The following HOXC4 variants were observed in gnomAD, a reference collection of about 807,000 sequenced individuals.
HOXC4 encodes the protein homeobox protein Hox-C4.
A neutral mutation model predicts 25.5 loss-of-function variants in HOXC4; 15 were observed. The ratio of observed to expected loss-of-function variants is 0.59; its 90% CI spans 0.39 to 0.91. The LOEUF (loss-of-function observed/expected upper bound fraction) is 0.91. Among genes scored for constraint, HOXC4 ranks in the 40% least tolerant of loss-of-function variants. The pLI, the probability that HOXC4 is intolerant of heterozygous loss-of-function variation, is 0.00. For synonymous variants in HOXC4, 165 were observed against 148.0 expected (o/e 1.11, Z -0.83); for missense variants, 342 against 352.4 (o/e 0.97, Z 0.24).
At chr12:54,017,264 A>C (rs1940195829) in exon 1 of HOXC4, 1 of 152,142 alleles carries the variant, frequency 6.6e-6, no homozygotes, top group Non-Finnish European at 1.5e-5. Flanking sequence ...GATGATTATA[A>C]TTATTTTTAT....
intron 1 of HOXC4, among the ~76,000 whole-genome samples, chr12:54,025,530 G>GC (rs1940655745): frequency 2.4e-5 from 1 of 42,046 alleles, no homozygotes; most frequent in Admixed American, 1.7e-4. Context: ...AGGTAATTGG[G>GC]GGGGGGGGAG....
At chr12:54,044,131 CT>C (rs1445106944) in intron 1 of HOXC4, among the ~76,000 whole-genome samples, 1 of 152,006 alleles carries the variant, frequency 6.6e-6, no homozygotes, top group Non-Finnish European at 1.5e-5. Flanking sequence ...GATCTGGTGA[CT>C]TCTCAGGAAG....
At chr12:54,051,888 C>G (rs1206964074), upstream of HOXC4, among the ~76,000 whole-genome samples, 1 of 152,224 alleles carries the variant, frequency 6.6e-6, no homozygotes, top group East Asian at 1.9e-4. Flanking sequence ...AAGTGGGGAC[C>G]CTCTCCAACA....
At chr12:54,053,001 C>T (rs77732781), upstream of HOXC4, among the ~76,000 whole-genome samples, 704 of 152,260 alleles carry the variant, frequency 4.6e-3, 2 homozygotes, top group Middle Eastern at 0.014. Flanking sequence ...AGATAATTGT[C>T]AGAAAATAGC....
At chr12:54,041,721 G>A (rs1366633415) in intron 1 of HOXC4, among the ~76,000 whole-genome samples, 1 of 152,214 alleles carries the variant, frequency 6.6e-6, no homozygotes, top group African/African-American at 2.4e-5. Flanking sequence ...TTGTCGCCCC[G>A]GCTGGAGTGC....
At position 54,053,972 on chromosome 12, in the gene HOXC4, T is replaced by C. The variant is rs1937906664; in HGVS notation, c.50T>C (p.Phe17Ser). The C allele has an allele frequency of 1.9e-6, 3 of 1,613,814 alleles. No homozygotes were observed. Among genetic ancestry groups the C allele is most frequent in the Admixed American group, 1.7e-5 (1 of 59,996 alleles). Residue 17 changes from phenylalanine to serine, a missense_variant, in exon 1 of 2, where the codon TTT becomes TCT. By Grantham distance (155) the Phe-to-Ser change is radical. Coordinates refer to ENST00000430889, the MANE Select transcript of HOXC4 (RefSeq NM_153633.3). ...LMDSNYIDPK[F>S]PPCEEYSQNS... The stretch of plus-strand genomic sequence containing the variant: ...GACTCTAACTACATCGATCCGAAAT[T>C]TCCTCCATGCGAAGAATATTCGCAA...
intron 1 of HOXC4, chr12:54,021,737 T>C (rs1277007983): frequency 6.6e-6 from 1 of 152,318 alleles, no homozygotes; most frequent in Non-Finnish European, 1.5e-5. Context: ...ACTCCAGGAT[T>C]GTGCCCCTCG....
chr12:54,043,181 C>CG (rs1164458364), intron 1 of HOXC4, among the ~76,000 whole-genome samples: 1 of 152,220 alleles, frequency 6.6e-6, no homozygotes, highest in Non-Finnish European at 1.5e-5. Flanking sequence ...GGCCCTGAGC[C>CG]GGTCCACTGC....
chr12:54,018,654 C>T (rs910149170), intron 1 of HOXC4, among the ~76,000 whole-genome samples: 1 of 152,228 alleles, frequency 6.6e-6, no homozygotes, highest in Non-Finnish European at 1.5e-5. Flanking sequence ...CCCTGCTCCC[C>T]GGCCTGGGTC....
At chr12:54,045,535 T>C (rs1937681730) in intron 1 of HOXC4, among the ~76,000 whole-genome samples, 1 of 152,252 alleles carries the variant, frequency 6.6e-6, no homozygotes, top group Non-Finnish European at 1.5e-5. Flanking sequence ...AATAGCTACA[T>C]ATTGAAGCTA....
At chr12:54,018,247 C>G (rs1470081701) in intron 1 of HOXC4, among the ~76,000 whole-genome samples, 2 of 152,230 alleles carry the variant, frequency 1.3e-5, no homozygotes, top group African/African-American at 4.8e-5. Flanking sequence ...GGTCCGGCGC[C>G]CCTCACCCCC....
At chr12:54,041,850 T>C (rs916233816) in intron 1 of HOXC4, among the ~76,000 whole-genome samples, 1 of 151,678 alleles carries the variant, frequency 6.6e-6, no homozygotes, top group African/African-American at 2.4e-5. Context: ...TTAATTTTTG[T>C]ATTTTTGGCA....
At chr12:54,054,762 G>A in intron 1 of HOXC4, 88 bp from the exon 2 acceptor site, 1 of 854,542 alleles carries the variant, frequency 1.2e-6, no homozygotes, top group South Asian at 1.7e-5. Flanking sequence ...CCCTCCTCCT[G>A]TTTCTCAGAG....
At chr12:54,038,155 A>G (rs1314855960) in intron 1 of HOXC4, 2 of 152,200 alleles carry the variant, frequency 1.3e-5, no homozygotes, top group African/African-American at 4.8e-5. Flanking sequence ...GAAGAGAAGA[A>G]GCAGCAGAAA....
chr12:54,054,012 T>C lies in HOXC4; in HGVS notation c.90T>C (p.Pro30=). The part of the protein sequence containing the change: ...CEEYSQNSYI[P]EHSPEYYGRT... ...AATATTCGCAAAATAGCTACATCCC[T>C]GAACACAGTCCGGAATATTACGGCC... The change falls in exon 1 of 2, where the codon CCT becomes CCC. Residue 30 remains proline, a synonymous_variant. Coordinates refer to ENST00000430889, the MANE Select transcript of HOXC4 (RefSeq NM_153633.3). The C allele has an allele frequency of 6.2e-7, 1 of 1,614,206 alleles. No homozygotes were observed. Among genetic ancestry groups the C allele is most frequent in the South Asian group, 1.1e-5 (1 of 91,084 alleles).
upstream of HOXC4, among the ~76,000 whole-genome samples, chr12:54,048,955 C>G (rs1445528319): frequency 3.3e-5 from 5 of 152,168 alleles, no homozygotes; most frequent in Non-Finnish European, 7.3e-5. Context: ...GTTCCTGCAT[C>G]CACACATCAG....
intron 1 of HOXC4, among the ~76,000 whole-genome samples, chr12:54,025,538 G>T (rs1174765687): frequency 1.3e-5 from 1 of 74,126 alleles, no homozygotes; most frequent in Non-Finnish European, 2.6e-5. Flanking sequence ...GGGGGGGGGG[G>T]AGGTGTTGAA....
chr12:54,052,624 T>G (rs1158411223), upstream of HOXC4, among the ~76,000 whole-genome samples: 1 of 150,382 alleles, frequency 6.6e-6, no homozygotes, highest in African/African-American at 2.5e-5. Flanking sequence ...CTCCCTCCTC[T>G]ACGGCCCTGT....
chr12:54,024,493 A>G lies in HOXC4; in HGVS notation c.-124+7079A>G, dbSNP rs115623661. ...GAGAGAGAGGAGACAGGGAGAACAC[A>G]ACTAAGGAGGACCTCTGGAAAATAT... On this transcript the variant is annotated intron_variant, in intron 1 of 3. Coordinates refer to the HOXC4 transcript ENST00000303406. Among the ~76,000 whole-genome samples the G allele has an allele frequency of 8.0e-3, 1,219 of 152,310 alleles. 22 individuals are homozygous for G. Among genetic ancestry groups the G allele is most frequent in the African/African-American group, 0.028 (1,172 of 41,554 alleles).
Sources: allele counts gnomAD v4.1 joint callset (sites outside exome capture counted in the v4.1 genomes callset), GRCh38; gene constraint gnomAD v4.1.1; transcripts MANE v1.5; gene names NCBI Gene and HGNC (gene_info 2026-07-23, HGNC 2026-07-21).